SYN3: variants seen among roughly 807,000 people sequenced by gnomAD.
SYN3 encodes the protein synapsin III.
SYN3 carries 35 observed loss-of-function variants against 65.8 expected under a neutral mutation model. That is an observed-to-expected ratio of 0.53 (90% CI 0.41 to 0.70). SYN3 has a LOEUF of 0.70. Among genes scored for constraint, SYN3 ranks in the 30% least tolerant of loss-of-function variants. The pLI is 0.00. For missense variants in SYN3, 680 were observed against 749.0 expected (o/e 0.91, Z 1.08); for synonymous variants, 270 against 292.9 (o/e 0.92, Z 0.80).
intron 2 of SYN3, among the ~76,000 whole-genome samples, chr22:32,995,201 C>G (rs1472276319): frequency 6.6e-6 from 1 of 152,180 alleles, no homozygotes; most frequent in Non-Finnish European, 1.5e-5. Context: ...TCTGGTTTGG[C>G]TCTTCCCAGC....
At chr22:32,785,283 T>C (rs1033823172) in intron 6 of SYN3, among the ~76,000 whole-genome samples, 2 of 152,292 alleles carry the variant, frequency 1.3e-5, no homozygotes, top group African/African-American at 4.8e-5. Flanking sequence ...CAGGGCTCTT[T>C]CCTTCAATTA....
chr22:32,775,167 C>T (rs1254265156), intron 6 of SYN3, among the ~76,000 whole-genome samples: 1 of 152,146 alleles, frequency 6.6e-6, no homozygotes, highest in East Asian at 1.9e-4. Context: ...CCTCATGTAG[C>T]CTTTCCTTGG....
At chr22:32,896,927 C>T (rs241882) in intron 4 of SYN3, among the ~76,000 whole-genome samples, 36,852 of 152,088 alleles carry the variant, frequency 0.24, 4,645 homozygotes, top group South Asian at 0.43. Flanking sequence ...TTAGAAGTCA[C>T]GTATTCCCCA....
intron 1 of SYN3, chr22:33,014,858 G>A (rs1363988545): frequency 6.1e-6 from 1 of 162,646 alleles, no homozygotes; most frequent in Non-Finnish European, 1.5e-5. Flanking sequence ...GTGCCGGAAA[G>A]TGCGTGAGTG....
At position 32,906,603 on chromosome 22, in the gene SYN3, T is replaced by C. The variant is rs138922676; in HGVS notation, c.461+24787A>G. ...TTGCTGCACCTATCAACCCATCACC[T>C]AGGTTTTAAGTCCTGCATGCATTAG... is the stretch of plus-strand genomic sequence containing the variant. On this transcript the variant is annotated intron_variant, in intron 4 of 13. Transcript: ENST00000358763. Among the ~76,000 whole-genome samples, 1,163 of 152,244 alleles carry C rather than the reference T, an allele frequency of 7.6e-3. 7 individuals are homozygous for C. Among genetic ancestry groups the C allele is most frequent in the East Asian group, 0.025 (129 of 5,164 alleles).
intron 7 of SYN3, among the ~76,000 whole-genome samples, chr22:32,546,332 G>A (rs2058335307): frequency 6.6e-6 from 1 of 152,184 alleles, no homozygotes; most frequent in Non-Finnish European, 1.5e-5. Flanking sequence ...TAATTTGGGA[G>A]GGGGGCAAGA....
rs547179450 is a variant in SYN3 at position 32,617,356 on chromosome 22, C to T, written c.712-20620G>A. On this transcript the variant is annotated intron_variant, in intron 6 of 13. Coordinates refer to ENST00000358763, the MANE Select transcript of SYN3 (RefSeq NM_003490.4). Reference sequence around the variant, plus strand: ...GGTTTGGAGCGGGGATGGGTGGGGACGTGGAGGTGATGAGATTGGGCACGT... The same window carrying T: ...GGTTTGGAGCGGGGATGGGTGGGGATGTGGAGGTGATGAGATTGGGCACGT... Among the ~76,000 whole-genome samples the T allele has an allele frequency of 3.9e-5, 6 of 151,986 alleles. No individual in the cohort carries two copies. In the East Asian group the frequency reaches 1.2e-3, roughly 29 times the overall value.
At chr22:32,671,742 ATCACACAGGTGCACACACACTG>A (rs1445611681) in intron 6 of SYN3, among the ~76,000 whole-genome samples, 3 of 135,914 alleles carry the variant, frequency 2.2e-5, no homozygotes, top group East Asian at 2.0e-4. Flanking sequence ...CACACATGCT[ATCACACAGGTGCACACACACTG>A]TCACACAGGT....
chr22:32,884,438 T>C (rs2049233974), intron 4 of SYN3, among the ~76,000 whole-genome samples: 1 of 152,228 alleles, frequency 6.6e-6, no homozygotes. Flanking sequence ...CAATAACATG[T>C]ACTTCAGAGT....
chr22:32,603,073 T>C (rs16990824), intron 6 of SYN3, among the ~76,000 whole-genome samples: 11,344 of 151,724 alleles, frequency 0.075, 485 homozygotes, highest in African/African-American at 0.094. Context: ...CCGGATGCCA[T>C]GGCATTGCAT....
intron 7 of SYN3, among the ~76,000 whole-genome samples, chr22:32,581,792 C>CTTTTTTTTTTTTTTTTT (rs10716395): frequency 5.9e-5 from 5 of 84,320 alleles, no homozygotes; most frequent in Non-Finnish European, 8.8e-5. Flanking sequence ...TTCTTTCTTT[C>CTTTTTTTTTTTTTTTTT]TTTTTTTTTT....
chr22:32,779,820 C>G (rs551346643), intron 6 of SYN3, among the ~76,000 whole-genome samples: 5 of 152,210 alleles, frequency 3.3e-5, no homozygotes, highest in African/African-American at 1.2e-4. Flanking sequence ...CGCTTTAGTA[C>G]CATCAAGGGT....
intron 3 of SYN3, among the ~76,000 whole-genome samples, chr22:32,938,867 G>A (rs2050853053): frequency 6.8e-6 from 1 of 147,648 alleles, no homozygotes; most frequent in African/African-American, 2.5e-5. Flanking sequence ...TGCGGAGGTT[G>A]CAATGAGCAG....
At chr22:32,920,800 C>T (rs1336971173) in intron 4 of SYN3, among the ~76,000 whole-genome samples, 1 of 152,124 alleles carries the variant, frequency 6.6e-6, no homozygotes, top group African/African-American at 2.4e-5. Flanking sequence ...AAGGTTTCTG[C>T]TTGCCTTTGG....
chr22:32,818,708 C>G (rs951484390), intron 6 of SYN3, among the ~76,000 whole-genome samples: 18 of 152,254 alleles, frequency 1.2e-4, no homozygotes, highest in African/African-American at 3.8e-4. Flanking sequence ...TAACTGCAGT[C>G]AGAAAAGCTG....
chr22:32,763,440 C>T (rs1230560881), intron 6 of SYN3, among the ~76,000 whole-genome samples: 1 of 152,182 alleles, frequency 6.6e-6, no homozygotes, highest in Non-Finnish European at 1.5e-5. Context: ...CGTGAGCCAC[C>T]ACGCCTGGCC....
At chr22:32,587,177 A>G (rs2858745) in intron 7 of SYN3, among the ~76,000 whole-genome samples, 78,155 of 146,882 alleles carry the variant, frequency 0.53, 22,814 homozygotes, top group African/African-American at 0.8. Context: ...AGCCGAGATC[A>G]CACCACTGCA....
intron 5 of SYN3, among the ~76,000 whole-genome samples, chr22:32,867,944 A>C (rs181522131): frequency 2.4e-4 from 36 of 152,348 alleles, no homozygotes; most frequent in African/African-American, 8.2e-4. Flanking sequence ...AAATAAATCA[A>C]ATGAATGACT....
In SYN3 at chr22:33,025,937, G is replaced by A. The variant is rs1028087783; in HGVS notation, c.-162-19113C>T. 4.6e-5 allele frequency among the ~76,000 whole-genome samples: 7 copies of A among 152,282 alleles called. 1 individual carries two copies. Among genetic ancestry groups the A allele is most frequent in the East Asian group, 3.9e-4 (2 of 5,174 alleles). On this transcript the variant is annotated intron_variant, in intron 1 of 13. Transcript: ENST00000358763. ...GACCAGTTTTGAACCATGAGCCAAA[G>A]AGACGTCCCATGTTTCTACTTGCCC...
Sources: gnomAD v4.1 joint callset for allele counts (sites outside exome capture counted in the v4.1 genomes callset) on GRCh38, gnomAD v4.1.1 for gene constraint, MANE v1.5 for transcripts, NCBI Gene and HGNC (gene_info 2026-07-23, HGNC 2026-07-21) for gene names.